Variants in KCNJ16 observed in about 807,000 individuals in gnomAD.
KCNJ16 encodes potassium inwardly rectifying channel subfamily J member 16, also known as inward rectifier potassium channel 16.
In KCNJ16, 15 loss-of-function variants were observed where a neutral mutation model predicts 18.5. The observed-to-expected ratio is 0.81, with a 90% CI of 0.54 to 1.25. The LOEUF is 1.25. Ranked by LOEUF, KCNJ16 falls within the 50% of genes most tolerant of loss-of-function variation. KCNJ16 has a pLI of 0.00. For synonymous variants in KCNJ16, 174 were observed against 186.5 expected (o/e 0.93, Z 0.55); for missense variants, 523 against 525.7 (o/e 0.99, Z 0.05).
chr17:70,088,863 G>A (rs16974902), intron 1 of KCNJ16, among the ~76,000 whole-genome samples: 10,497 of 152,008 alleles, frequency 0.069, 477 homozygotes, highest in African/African-American at 0.13. Context: ...CCTATGGCTT[G>A]AATGACTTAA....
chr17:70,096,720 A>G (rs2072390789), intron 1 of KCNJ16: 1 of 374,064 alleles, frequency 2.7e-6, no homozygotes, highest in African/African-American at 2.1e-5. Flanking sequence ...TAATCAGGTG[A>G]TAACAACCTT....
At chr17:70,085,403 A>G (rs201214337) in intron 1 of KCNJ16, among the ~76,000 whole-genome samples, 1 of 152,212 alleles carries the variant, frequency 6.6e-6, no homozygotes, top group Admixed American at 6.5e-5. Context: ...CTGATGTCAC[A>G]CAGCCAGTAA....
chr17:70,104,950 G>A, intron 2 of KCNJ16: 1 of 149,964 alleles, frequency 6.7e-6, no homozygotes. Context: ...GGCGGTAGGT[G>A]CTGACAGCTT....
At position 70,131,986 on chromosome 17, in the gene KCNJ16, G is replaced by C. The variant is rs2074070657; in HGVS notation, c.-93-9G>C. On this transcript the variant is annotated splice_polypyrimidine_tract_variant and intron_variant, in intron 3 of 3. Transcript: ENST00000392671. ...TAAAAAGTGTGTTTTTGTTGTTGTTGTTTTTTAGGTTCTAACTGAAAACCC... is the reference window on the plus strand; with the variant it reads ...TAAAAAGTGTGTTTTTGTTGTTGTTCTTTTTTAGGTTCTAACTGAAAACCC... 1 of 1,552,726 alleles carries C rather than the reference G, an allele frequency of 6.4e-7. No individual in the cohort carries two copies. The highest frequency in any genetic ancestry group is 8.7e-7 in the Non-Finnish European group (1 of 1,153,134).
chr17:70,108,978 C>G (rs1210246978), intron 2 of KCNJ16, among the ~76,000 whole-genome samples: 1 of 152,056 alleles, frequency 6.6e-6, no homozygotes, highest in Non-Finnish European at 1.5e-5. Context: ...CCTAGAACTC[C>G]TAAGTGAGTG....
At chr17:70,124,573 G>A (rs1467257805) in intron 2 of KCNJ16, among the ~76,000 whole-genome samples, 6 of 152,160 alleles carry the variant, frequency 3.9e-5, no homozygotes, top group Non-Finnish European at 8.8e-5. Flanking sequence ...ATCAGATCTC[G>A]TGTTATCTGA....
chr17:70,120,700 C>T (rs2073599961), intron 2 of KCNJ16, among the ~76,000 whole-genome samples: 1 of 152,104 alleles, frequency 6.6e-6, no homozygotes, highest in African/African-American at 2.4e-5. Context: ...CTTGCAAGAA[C>T]TGGTCGTGGT....
At chr17:70,119,030 T>A (rs937268738) in intron 2 of KCNJ16, among the ~76,000 whole-genome samples, 7 of 152,262 alleles carry the variant, frequency 4.6e-5, no homozygotes, top group Admixed American at 4.6e-4. Context: ...ACATTCCCAT[T>A]CCAAAAGGAA....
chr17:70,096,501 C>T (rs1471165171), intron 1 of KCNJ16: 1 of 154,406 alleles, frequency 6.5e-6, no homozygotes, highest in Non-Finnish European at 1.4e-5. Flanking sequence ...AACATTAGCA[C>T]CTACCTTCTA....
intron 2 of KCNJ16, among the ~76,000 whole-genome samples, chr17:70,109,616 T>C (rs2073096144): frequency 6.6e-6 from 1 of 152,080 alleles, no homozygotes; most frequent in Non-Finnish European, 1.5e-5. Context: ...GCCCTGCCCC[T>C]CTTTACTCCC....
At chr17:70,082,988 C>T (rs2071620294) in intron 1 of KCNJ16, among the ~76,000 whole-genome samples, 1 of 151,952 alleles carries the variant, frequency 6.6e-6, no homozygotes, top group Admixed American at 6.6e-5. Flanking sequence ...TTTACACGTT[C>T]CCTCAACAAA....
intron 2 of KCNJ16, among the ~76,000 whole-genome samples, chr17:70,130,514 C>G (rs963824767): frequency 1.3e-5 from 2 of 152,110 alleles, no homozygotes; most frequent in African/African-American, 2.4e-5. Context: ...TGGAGTCCAT[C>G]CTTGTAAGTG....
At chr17:70,088,039 A>AAAAT (rs1555584283) in intron 1 of KCNJ16, among the ~76,000 whole-genome samples, 2 of 150,488 alleles carry the variant, frequency 1.3e-5, no homozygotes, top group African/African-American at 4.9e-5. Context: ...AAAAAAAAAA[A>AAAAT]AAGTAAAAGA....
chr17:70,118,649 T>C (rs2073510127), intron 2 of KCNJ16, among the ~76,000 whole-genome samples: 1 of 151,886 alleles, frequency 6.6e-6, no homozygotes, highest in Non-Finnish European at 1.5e-5. Context: ...TTTAAATGAC[T>C]AGATCTCATA....
chr17:70,133,558 G>C lies in KCNJ16; in HGVS notation c.*214G>C. The stretch of plus-strand genomic sequence containing the variant: ...TGTTCGCCAATTTTGTATTAAGAAT[G>C]CTATTAAGCCTAATTGATTAAAATT... On this transcript the variant is annotated 3_prime_UTR_variant, in exon 4 of 4. Coordinates refer to ENST00000392671, the MANE Select transcript of KCNJ16 (RefSeq NM_170741.4). The C allele has an allele frequency of 2.0e-6, 1 of 500,876 alleles. No homozygotes were observed. Among genetic ancestry groups the C allele is most frequent in the South Asian group, 3.9e-5 (1 of 25,412 alleles). 31.0% of individuals were successfully genotyped at this position (500,876 alleles called of 1,614,324 possible). A position where few individuals can be genotyped will look rare whatever the true frequency, so the allele number is the denominator to read the frequency against.
intron 2 of KCNJ16, among the ~76,000 whole-genome samples, chr17:70,110,396 AGAC>A: frequency 6.6e-6 from 1 of 152,124 alleles, no homozygotes; most frequent in Non-Finnish European, 1.5e-5. Context: ...GTGATTTCAC[AGAC>A]AACCTAGAGC....
At chr17:70,090,072 T>C (rs1274782037) in intron 1 of KCNJ16, among the ~76,000 whole-genome samples, 1 of 152,204 alleles carries the variant, frequency 6.6e-6, no homozygotes, top group Non-Finnish European at 1.5e-5. Context: ...CACCCCAGAT[T>C]TAATCACTTA....
intron 2 of KCNJ16, among the ~76,000 whole-genome samples, chr17:70,116,969 A>C (rs1379263953): frequency 1.3e-5 from 2 of 152,188 alleles, no homozygotes; most frequent in African/African-American, 2.4e-5. Flanking sequence ...ATTCAAAAGA[A>C]AACAAATCAT....
intron 2 of KCNJ16, chr17:70,108,483 C>T (rs2073033813): frequency 6.6e-6 from 1 of 152,068 alleles, no homozygotes; most frequent in African/African-American, 2.4e-5. Flanking sequence ...ACAAATCAGT[C>T]ATTTTGCATG....
Sources: gnomAD v4.1 joint callset for allele counts (sites outside exome capture counted in the v4.1 genomes callset) on GRCh38, gnomAD v4.1.1 for gene constraint, MANE v1.5 for transcripts, NCBI Gene and HGNC (gene_info 2026-07-23, HGNC 2026-07-21) for gene names.